The following FGD4 variants were observed in gnomAD, a reference collection of about 807,000 sequenced individuals.
FGD4 encodes FYVE, RhoGEF and PH domain containing 4.
A neutral mutation model predicts 102.0 loss-of-function variants in FGD4; 42 were observed. That is an observed-to-expected ratio of 0.41 (90% CI 0.32 to 0.53). FGD4 has a LOEUF of 0.53. FGD4 is among the 20% of genes least tolerant of loss of function. The pLI is 0.21. For missense variants in FGD4, 902 were observed against 1,078.2 expected (o/e 0.84, Z 2.29); for synonymous variants, 380 against 375.7 (o/e 1.01, Z -0.13).
intron 7 of FGD4, among the ~76,000 whole-genome samples, chr12:32,603,871 C>G (rs7954226): frequency 2.0e-5 from 3 of 151,638 alleles, no homozygotes; most frequent in African/African-American, 4.9e-5. Context: ...CTGGCTAAAT[C>G]TTAGAATTTT....
At chr12:32,440,237 G>C (rs1942386411) in intron 1 of FGD4, among the ~76,000 whole-genome samples, 1 of 152,322 alleles carries the variant, frequency 6.6e-6, no homozygotes, top group African/African-American at 2.4e-5. Flanking sequence ...GCATTGAAGA[G>C]TTAGGTATTT....
rs554372107 is a variant in FGD4 at position 32,471,418 on chromosome 12, A to G, written c.166+71459A>G. ...CCCTGACTAATATGTACTGTAGAAA[A>G]GCCTCCTGAGACTTAGACGCTATGT... On this transcript the variant is annotated intron_variant, in intron 1 of 16. Coordinates refer to ENST00000534526, the MANE Select transcript of FGD4 (RefSeq NM_001370298.3). Among the ~76,000 whole-genome samples the G allele has an allele frequency of 2.0e-5, 3 of 152,324 alleles. No homozygotes were observed. The East Asian group carries it at 5.8e-4, about 29-fold the overall frequency.
chr12:32,630,572 T>C (rs1161610760), intron 14 of FGD4, among the ~76,000 whole-genome samples: 3 of 152,008 alleles, frequency 2.0e-5, no homozygotes, highest in Non-Finnish European at 2.9e-5. Context: ...CCCAGCACTT[T>C]AGGAGGCCGA....
At chr12:32,639,369 G>C (rs530624589) in intron 16 of FGD4, among the ~76,000 whole-genome samples, 1 of 152,170 alleles carries the variant, frequency 6.6e-6, no homozygotes, top group Non-Finnish European at 1.5e-5. Flanking sequence ...TCACCATGTT[G>C]ATCAGGCTGG....
intron 1 of FGD4, chr12:32,485,884 A>T (rs540321171): frequency 2.3e-5 from 29 of 1,245,466 alleles, no homozygotes; most frequent in Non-Finnish European, 2.8e-5. Flanking sequence ...ACCTTCGTGG[A>T]ATTTTGAAAT....
At chr12:32,628,606 C>T (rs964864905) in intron 14 of FGD4, among the ~76,000 whole-genome samples, 2 of 152,064 alleles carry the variant, frequency 1.3e-5, no homozygotes, top group African/African-American at 2.4e-5. Flanking sequence ...CAAGACCAGC[C>T]TGACCAACAC....
intron 1 of FGD4, among the ~76,000 whole-genome samples, chr12:32,413,224 C>A (rs1362721113): frequency 2.0e-5 from 3 of 151,882 alleles, no homozygotes; most frequent in Non-Finnish European, 4.4e-5. Flanking sequence ...CACATGTATA[C>A]CTTTGTAACA....
rs776556112 is a variant in FGD4 at position 32,600,584 on chromosome 12, C to CTTTTT, written c.1102-691_1102-690insTTTTT. Reference sequence around the variant, plus strand: ...GTTTTTTGTTTTTCTTTCTTTCTTTCTTTCTTTCTTTTTTTTTTTTTTGTC... The same window carrying CTTTTT: ...GTTTTTTGTTTTTCTTTCTTTCTTTCTTTTTTTTCTTTCTTTTTTTTTTTTTTGTC... On this transcript the variant is annotated intron_variant, in intron 5 of 16. Transcript: ENST00000534526. The CTTTTT allele has an allele frequency of 1.9e-3, 515 of 269,398 alleles. 15 individuals carry two copies. The highest frequency in any genetic ancestry group is 5.6e-3 in the African/African-American group (140 of 25,074). The allele number at this position is 269,398 out of a possible 1,614,324, so 16.7% of individuals were successfully genotyped here.
At chr12:32,487,209 T>TG (rs1480984600) in intron 1 of FGD4, among the ~76,000 whole-genome samples, 1 of 152,150 alleles carries the variant, frequency 6.6e-6, no homozygotes. Flanking sequence ...GTGCCTTTGG[T>TG]GGGGTGGGTC....
rs1565748944 is a variant in FGD4 at position 32,453,208 on chromosome 12, A to ATC, written c.166+53250_166+53251insCT. Among the ~76,000 whole-genome samples the ATC allele has an allele frequency of 1.1e-4, 5 of 45,546 alleles. 1 individual carries two copies. The highest frequency in any genetic ancestry group is 2.3e-4 in the African/African-American group (5 of 22,110). The allele number at this position is 45,546 out of a possible 152,430, so 29.9% of individuals were successfully genotyped here. A position where few individuals can be genotyped will look rare whatever the true frequency, so the allele number is the denominator to read the frequency against. On this transcript the variant is annotated intron_variant, in intron 1 of 16. Transcript: ENST00000534526. The stretch of plus-strand genomic sequence containing the variant: ...TATATTTTATATATATATTATATAT[A>ATC]TATATATATATAATATAGATATATA...
chr12:32,564,929 A>C (rs1336269185), intron 2 of FGD4, among the ~76,000 whole-genome samples: 1 of 152,208 alleles, frequency 6.6e-6, no homozygotes, highest in Non-Finnish European at 1.5e-5. Flanking sequence ...AGTTTTGATG[A>C]TAGAGAGCAA....
intron 1 of FGD4, among the ~76,000 whole-genome samples, chr12:32,468,365 A>G (rs1320206690): frequency 1.3e-5 from 2 of 151,938 alleles, no homozygotes; most frequent in East Asian, 1.9e-4. Context: ...GCAAATGTTC[A>G]TTAATTAAAA....
At chr12:32,573,144 G>A (rs1945813512) in intron 2 of FGD4, among the ~76,000 whole-genome samples, 1 of 152,154 alleles carries the variant, frequency 6.6e-6, no homozygotes, top group South Asian at 2.1e-4. Flanking sequence ...CGCACAGGCT[G>A]GAGTGCAGTG....
At chr12:32,441,855 C>T (rs1031867906) in intron 1 of FGD4, among the ~76,000 whole-genome samples, 2 of 152,026 alleles carry the variant, frequency 1.3e-5, no homozygotes, top group African/African-American at 2.4e-5. Flanking sequence ...CTGGTTTAAA[C>T]GCTCCCTCTG....
At chr12:32,608,849 C>T (rs10506097) in intron 8 of FGD4, among the ~76,000 whole-genome samples, 71,641 of 152,016 alleles carry the variant, frequency 0.47, 18,131 homozygotes, top group African/African-American at 0.66. Context: ...GGATGAGAGA[C>T]GAAGTACGTA....
intron 1 of FGD4, among the ~76,000 whole-genome samples, chr12:32,512,264 T>C (rs1939450209): frequency 6.6e-6 from 1 of 152,052 alleles, no homozygotes; most frequent in African/African-American, 2.4e-5. Flanking sequence ...CTGGCCAACA[T>C]AGTGAAACTC....
chr12:32,411,848 G>A (rs1020328161), intron 1 of FGD4, among the ~76,000 whole-genome samples: 1 of 152,042 alleles, frequency 6.6e-6, no homozygotes, highest in East Asian at 1.9e-4. Flanking sequence ...GGTGGCGGGC[G>A]CCTGCAGTCC....
intron 1 of FGD4, among the ~76,000 whole-genome samples, chr12:32,449,710 G>A (rs189395579): frequency 1.8e-4 from 27 of 152,162 alleles, no homozygotes; most frequent in African/African-American, 5.1e-4. Flanking sequence ...TTGTGGGGAA[G>A]TAACTTTAAG....
chr12:32,549,844 A>G (rs1252572513), intron 1 of FGD4, among the ~76,000 whole-genome samples: 1 of 152,174 alleles, frequency 6.6e-6, no homozygotes, highest in Non-Finnish European at 1.5e-5. Context: ...CTGTCACACT[A>G]GCAATGTTGC....
Sources: gnomAD v4.1 joint callset for allele counts (sites outside exome capture counted in the v4.1 genomes callset) on GRCh38, gnomAD v4.1.1 for gene constraint, MANE v1.5 for transcripts, NCBI Gene and HGNC (gene_info 2026-07-23, HGNC 2026-07-21) for gene names.